FGF2: variants seen among roughly 807,000 people sequenced by gnomAD.
FGF2 encodes basic fibroblast growth factor bFGF.
In FGF2, 13 loss-of-function variants were observed where a neutral mutation model predicts 15.9. The observed-to-expected ratio is 0.82, with a 90% CI of 0.53 to 1.30. The LOEUF is 1.30. Among genes scored for constraint, FGF2 ranks in the 50% most tolerant of loss-of-function variants. FGF2 has a pLI of 0.00. For missense variants in FGF2, 163 were observed against 196.9 expected (o/e 0.83, Z 1.03); for synonymous variants, 90 against 78.4 (o/e 1.15, Z -0.78).
At chr4:122,830,029 G>A (rs1458133329) in intron 1 of FGF2, among the ~76,000 whole-genome samples, 3 of 152,148 alleles carry the variant, frequency 2.0e-5, no homozygotes, top group African/African-American at 7.2e-5. Context: ...AAAATCTATG[G>A]TCTCATTCCT....
At position 122,827,268 on chromosome 4, in the gene FGF2, C is replaced by T. The variant is rs1411419400; in HGVS notation, c.94C>T (p.Leu32=). 1.9e-6 allele frequency: 3 copies of T among 1,612,798 alleles called. No individual in the cohort carries two copies. The highest frequency in any genetic ancestry group is 3.3e-5 in the Admixed American group (2 of 60,016). ...PPGHFKDPKR[L]YCKNGGFFLR... ...CGGCCACTTCAAGGACCCCAAGCGG[C>T]TGTACTGCAAAAACGGGGGCTTCTT... is the stretch of plus-strand genomic sequence containing the variant. The change falls in exon 1 of 3, where the codon CTG becomes TTG. Residue 32 remains leucine (L), a synonymous_variant. Coordinates refer to ENST00000644866, the MANE Select transcript of FGF2 (RefSeq NM_001361665.2). This position sits in a 1 kb window ranked among gnomAD's most constrained non-coding sequence, Gnocchi z 4.2.
At chr4:122,882,710 C>T (rs894035298) in intron 2 of FGF2, 29 of 152,200 alleles carry the variant, frequency 1.9e-4, no homozygotes, top group African/African-American at 1.2e-4. Flanking sequence ...TCTTAGTCTC[C>T]TTTGAGGAAT....
intron 2 of FGF2, among the ~76,000 whole-genome samples, chr4:122,877,041 G>C (rs1209895770): frequency 2.6e-5 from 4 of 151,994 alleles, no homozygotes; most frequent in African/African-American, 9.7e-5. Context: ...ACACGTAATA[G>C]ATCCTGAAAA....
At chr4:122,884,251 T>G (rs948781125) in intron 2 of FGF2, 3 of 152,264 alleles carry the variant, frequency 2.0e-5, no homozygotes, top group Non-Finnish European at 4.4e-5. Flanking sequence ...CCCAGCACTT[T>G]GGGAGGCCAA....
chr4:122,845,015 C>T (rs917065458), intron 1 of FGF2, among the ~76,000 whole-genome samples: 5 of 152,204 alleles, frequency 3.3e-5, no homozygotes, highest in Non-Finnish European at 5.9e-5. Flanking sequence ...TTACAAAATA[C>T]ATTTCTTAAA....
chr4:122,882,636 G>A (rs146450190), intron 2 of FGF2: 132 of 152,334 alleles, frequency 8.7e-4, no homozygotes, highest in African/African-American at 3.0e-3. Context: ...GCTTAGAAAT[G>A]TATCACAAAC....
At chr4:122,844,075 T>C (rs974906767) in intron 1 of FGF2, among the ~76,000 whole-genome samples, 1 of 152,206 alleles carries the variant, frequency 6.6e-6, no homozygotes, top group Non-Finnish European at 1.5e-5. Context: ...GCATTTTACC[T>C]ACAGTAGAAC....
chr4:122,894,444 A>G lies in FGF2; in HGVS notation c.*2048A>G, dbSNP rs1020431692. ...AAAAAAACACAAAAAATAGCCAGGC[A>G]TGGTGGCGTGTACATGTGGTCTCAG... On this transcript the variant is annotated 3_prime_UTR_variant, in exon 3 of 3. Transcript: ENST00000644866. 6.6e-6 allele frequency: 1 copy of G among 152,206 alleles called. No homozygotes were observed. The highest frequency in any genetic ancestry group is 6.5e-5 in the Admixed American group (1 of 15,272). 9.4% of individuals were successfully genotyped at this position (152,206 alleles called of 1,614,324 possible).
chr4:122,871,033 C>T (rs908466534), intron 1 of FGF2, among the ~76,000 whole-genome samples: 5 of 152,092 alleles, frequency 3.3e-5, no homozygotes, highest in African/African-American at 4.8e-5. Context: ...TCTTTGTTCT[C>T]GTTGTTTTCA....
intron 1 of FGF2, among the ~76,000 whole-genome samples, chr4:122,854,789 G>C (rs573254668): frequency 6.6e-6 from 1 of 152,154 alleles, no homozygotes; most frequent in African/African-American, 2.4e-5. Context: ...ATTGAGAGAC[G>C]TGCTGCCGGG....
chr4:122,826,819 G>A (rs867675421), upstream of FGF2: 8 of 1,456,236 alleles, frequency 5.5e-6, no homozygotes, highest in African/African-American at 1.5e-5. Context: ...GTGACGCCGC[G>A]GCCCGGCGGG....
chr4:122,854,617 G>A (rs987837042), intron 1 of FGF2, among the ~76,000 whole-genome samples: 3 of 152,172 alleles, frequency 2.0e-5, no homozygotes, highest in East Asian at 3.8e-4. Context: ...CAAAGGAGCC[G>A]TTTCCAACTT....
In FGF2 at chr4:122,893,310, T is replaced by TATG. The variant is rs1727247715; in HGVS notation, c.*915_*917dup. 1 of 1,316,218 alleles carries TATG rather than the reference T, an allele frequency of 7.6e-7. No individual in the cohort carries two copies. Among genetic ancestry groups the TATG allele is most frequent in the African/African-American group, 1.5e-5 (1 of 67,620 alleles). 81.5% of individuals were successfully genotyped at this position (1,316,218 alleles called of 1,614,324 possible). On this transcript the variant is annotated 3_prime_UTR_variant, in exon 3 of 3. Transcript: ENST00000644866. ...CAAAGATTTTCAGTTAAAGTAGCAT[T>TATG]ATGTAAAGGCTCAAAACATTACCCT...
Position 122,894,478 on chromosome 4 carries a change from G to C in FGF2, c.*2082G>C, listed in dbSNP as rs1292924411. 2 of 152,208 alleles carry C rather than the reference G, an allele frequency of 1.3e-5. No individual in the cohort carries two copies. Among genetic ancestry groups the C allele is most frequent in the East Asian group, 3.9e-4 (2 of 5,182 alleles). 9.4% of individuals were successfully genotyped at this position (152,208 alleles called of 1,614,324 possible). ...TGTACATGTGGTCTCAGATACTTGGGAGGCTGAGGTGGGAGGGTTGATCAC... is the reference window on the plus strand; with the variant it reads ...TGTACATGTGGTCTCAGATACTTGGCAGGCTGAGGTGGGAGGGTTGATCAC... On this transcript the variant is annotated 3_prime_UTR_variant, in exon 3 of 3. Transcript: ENST00000644866.
intron 1 of FGF2, among the ~76,000 whole-genome samples, chr4:122,864,599 C>G (rs745832286): frequency 6.6e-6 from 1 of 152,168 alleles, no homozygotes; most frequent in Non-Finnish European, 1.5e-5. Flanking sequence ...TTGGGTGATA[C>G]GTCTCCAAAC....
intron 1 of FGF2, among the ~76,000 whole-genome samples, chr4:122,860,997 G>C (rs1726451976): frequency 6.6e-6 from 1 of 152,202 alleles, no homozygotes; most frequent in Non-Finnish European, 1.5e-5. Flanking sequence ...TATTGTGTGT[G>C]TGTAGGTATT....
intron 1 of FGF2, among the ~76,000 whole-genome samples, chr4:122,872,451 TC>T (rs1726760573): frequency 6.6e-6 from 1 of 151,878 alleles, no homozygotes; most frequent in Admixed American, 6.6e-5. Context: ...AAAACACACT[TC>T]AGGATATTAT....
In FGF2 at chr4:122,893,514, C is replaced by T. The variant is rs557915213; in HGVS notation, c.*1118C>T. 7.7e-4 allele frequency: 211 copies of T among 274,138 alleles called. No homozygotes were observed. Among genetic ancestry groups the T allele is most frequent in the African/African-American group, 4.3e-3 (196 of 45,782 alleles). 17.0% of individuals were successfully genotyped at this position (274,138 alleles called of 1,614,324 possible). ...GTCAGCTCTTTTTAACTTCTTGCTGCTCTTTTTCCCAAAAGGTAAAAATAT... is the reference window on the plus strand; with the variant it reads ...GTCAGCTCTTTTTAACTTCTTGCTGTTCTTTTTCCCAAAAGGTAAAAATAT... On this transcript the variant is annotated 3_prime_UTR_variant, in exon 3 of 3. Transcript: ENST00000644866.
Position 122,892,617 on chromosome 4 carries a change from C to G in FGF2, c.*221C>G. Reference sequence around the variant, plus strand: ...CCCTTTTATATTGCATCTGCTGTTACCCAGTGAAGCTTACCTAGAGCAATG... The same window carrying G: ...CCCTTTTATATTGCATCTGCTGTTAGCCAGTGAAGCTTACCTAGAGCAATG... On this transcript the variant is annotated 3_prime_UTR_variant, in exon 3 of 3. Transcript: ENST00000644866. 2 of 1,431,624 alleles carry G rather than the reference C, an allele frequency of 1.4e-6. No homozygotes were observed. Among genetic ancestry groups the G allele is most frequent in the Non-Finnish European group, 9.1e-7 (1 of 1,096,738 alleles). The allele number at this position is 1,431,624 out of a possible 1,614,324, so 88.7% of individuals were successfully genotyped here.
Sources: gnomAD v4.1 joint callset for allele counts (sites outside exome capture counted in the v4.1 genomes callset) on GRCh38, gnomAD v4.1.1 for gene constraint, Gnocchi (gnomAD v3.1) non-coding constraint, MANE v1.5 for transcripts, NCBI Gene and HGNC (gene_info 2026-07-23, HGNC 2026-07-21) for gene names.